Variants in ZNF652 observed in about 807,000 individuals in gnomAD.
ZNF652 encodes zinc finger protein 652.
In ZNF652, 16 loss-of-function variants were observed where a neutral mutation model predicts 45.2. The observed-to-expected ratio is 0.35, with a 90% CI of 0.24 to 0.54. ZNF652 has a LOEUF of 0.54. Among genes scored for constraint, ZNF652 ranks in the 20% least tolerant of loss-of-function variants. The probability of loss-of-function intolerance (pLI) is 0.91; values close to 1 mark genes in which losing one functional copy is unlikely to be tolerated. For synonymous variants in ZNF652, 250 were observed against 260.6 expected (o/e 0.96, Z 0.39); for missense variants, 614 against 765.6 (o/e 0.80, Z 2.34).
At chr17:49,354,890 T>A (rs1444967450) in intron 1 of ZNF652, among the ~76,000 whole-genome samples, 4 of 152,004 alleles carry the variant, frequency 2.6e-5, no homozygotes, top group African/African-American at 9.7e-5. Context: ...CACACCCGGC[T>A]AATTTTTGTA....
chr17:49,309,540 C>T (rs964918753), intron 5 of ZNF652, among the ~76,000 whole-genome samples: 1 of 150,404 alleles, frequency 6.6e-6, no homozygotes, highest in Non-Finnish European at 1.5e-5. Flanking sequence ...AACCAAAAAA[C>T]CCCCCAAAAC....
chr17:49,349,188 G>T (rs1027597230), intron 1 of ZNF652, among the ~76,000 whole-genome samples: 1 of 152,090 alleles, frequency 6.6e-6, no homozygotes, highest in African/African-American at 2.4e-5. Context: ...CCAGTACTTT[G>T]GGAAGGATTG....
intron 5 of ZNF652, among the ~76,000 whole-genome samples, chr17:49,310,191 G>GACCC (rs1161261027): frequency 6.6e-6 from 1 of 152,152 alleles, no homozygotes; most frequent in Admixed American, 6.5e-5. Flanking sequence ...CTGACCTTGT[G>GACCC]ACCCACCCGC....
intron 1 of ZNF652, among the ~76,000 whole-genome samples, chr17:49,341,858 A>G (rs2070150717): frequency 6.6e-6 from 1 of 152,144 alleles, no homozygotes; most frequent in Admixed American, 6.6e-5. Flanking sequence ...AACCATCTGG[A>G]ATATCCCCTT....
At chr17:49,307,149 G>A (rs915172163) in intron 5 of ZNF652, among the ~76,000 whole-genome samples, 1 of 152,024 alleles carries the variant, frequency 6.6e-6, no homozygotes, top group Non-Finnish European at 1.5e-5. Context: ...TCCTTCACTG[G>A]CCGGGCTCAG....
rs754671628 is a variant in ZNF652, at chr17:49,298,643, T to C, written c.1591A>G (p.Asn531Asp). The C allele has an allele frequency of 1.9e-6, 3 of 1,612,754 alleles. No homozygotes were observed. The highest frequency in any genetic ancestry group is 1.1e-5 in the South Asian group (1 of 91,038). ...NTATTPTPPINMNPVSTLPPR... is the reference protein window; with the variant it reads ...NTATTPTPPIDMNPVSTLPPR... Reference sequence around the variant, plus strand: ...GGAAGAGTGCTTACAGGATTCATATTGATTGGAGGGGTTGGGGTTGTGGCT... The same window carrying C: ...GGAAGAGTGCTTACAGGATTCATATCGATTGGAGGGGTTGGGGTTGTGGCT... Residue 531 changes from asparagine (N) to aspartate (D), a missense_variant, in exon 6 of 6, where the codon AAT becomes GAT. Around this residue, in one of 5 missense-constraint regions of ZNF652, gnomAD observed 132 missense variants for 137.2 expected, o/e 0.96. Transcript: ENST00000430262.
chr17:49,315,333 G>A (rs377400030), intron 2 of ZNF652, among the ~76,000 whole-genome samples: 2 of 151,940 alleles, frequency 1.3e-5, no homozygotes, highest in East Asian at 3.9e-4. Flanking sequence ...GAGCCACTGC[G>A]CCCGGTCTGG....
At chr17:49,336,103 C>G (rs922297052) in intron 1 of ZNF652, among the ~76,000 whole-genome samples, 9 of 152,184 alleles carry the variant, frequency 5.9e-5, no homozygotes, top group African/African-American at 1.9e-4. Flanking sequence ...TGGCTCACTG[C>G]AACCTCCGCC....
In ZNF652 at chr17:49,290,242, T is replaced by A. The variant is rs1172201884; in HGVS notation, c.*8171A>T. ...TGCCTCCCGGCTCTACAGGGGGTAA[T>A]ATTTACTGTCGTCTTTTCCCTTCCC... is the stretch of plus-strand genomic sequence containing the variant. On this transcript the variant is annotated 3_prime_UTR_variant, in exon 6 of 6. Transcript: ENST00000430262. 7 of 152,170 alleles carry A rather than the reference T, an allele frequency of 4.6e-5. No individual in the cohort carries two copies. In the East Asian group the frequency reaches 1.3e-3, roughly 29 times the overall value. The allele number at this position is 152,170 out of a possible 1,614,324, so 9.4% of individuals were successfully genotyped here.
Position 49,291,102 on chromosome 17 carries a change from A to G in ZNF652, c.*7311T>C, listed in dbSNP as rs1777059391. 6.6e-6 allele frequency: 1 copy of G among 152,240 alleles called. No individual in the cohort carries two copies. Among genetic ancestry groups the G allele is most frequent in the African/African-American group, 2.4e-5 (1 of 41,468 alleles). The allele number at this position is 152,240 out of a possible 1,614,324, so 9.4% of individuals were successfully genotyped here. ...ATTATGTCACACTGTTTCTTTTTAA[A>G]CTAATGAATTGAATTAATAGAGCAT... On this transcript the variant is annotated 3_prime_UTR_variant, in exon 6 of 6. Transcript: ENST00000430262.
chr17:49,300,619 G>A (rs1243177794), intron 5 of ZNF652, among the ~76,000 whole-genome samples: 1 of 152,134 alleles, frequency 6.6e-6, no homozygotes, highest in African/African-American at 2.4e-5. Context: ...ATGCACTTCG[G>A]TGAACCATAC....
At chr17:49,347,863 C>T (rs1005014572) in intron 1 of ZNF652, among the ~76,000 whole-genome samples, 3 of 151,238 alleles carry the variant, frequency 2.0e-5, no homozygotes, top group Non-Finnish European at 4.4e-5. Flanking sequence ...TGCCACCTCA[C>T]CTTCCCAAAT....
At chr17:49,302,218 C>T (rs1352429482) in intron 5 of ZNF652, among the ~76,000 whole-genome samples, 1 of 151,244 alleles carries the variant, frequency 6.6e-6, no homozygotes, top group Non-Finnish European at 1.5e-5. Flanking sequence ...TGCACCACTG[C>T]GCTCAAGCCT....
intron 5 of ZNF652, among the ~76,000 whole-genome samples, chr17:49,304,793 T>C (rs768924716): frequency 6.6e-6 from 1 of 152,076 alleles, no homozygotes; most frequent in Non-Finnish European, 1.5e-5. Flanking sequence ...GTCTTTTGTA[T>C]GTGATCTGTC....
chr17:49,331,414 C>A (rs377734635), intron 1 of ZNF652, among the ~76,000 whole-genome samples: 6 of 152,250 alleles, frequency 3.9e-5, no homozygotes, highest in African/African-American at 1.4e-4. Flanking sequence ...AGCCACCATG[C>A]TTGGCCAAAT....
intron 1 of ZNF652, among the ~76,000 whole-genome samples, chr17:49,355,652 C>A (rs2070328219): frequency 1.3e-5 from 2 of 152,130 alleles, no homozygotes; most frequent in African/African-American, 4.8e-5. Context: ...GTAATCCCAG[C>A]ACTTTGGGAG....
chr17:49,303,247 CT>C (rs779042339), intron 5 of ZNF652, among the ~76,000 whole-genome samples: 26 of 121,720 alleles, frequency 2.1e-4, no homozygotes, highest in East Asian at 2.5e-4. Context: ...TTACGCTTAT[CT>C]TTTTTTTTTT....
Position 49,289,340 on chromosome 17 carries a change from T to C in ZNF652, c.*9073A>G, listed in dbSNP as rs188993594. On this transcript the variant is annotated 3_prime_UTR_variant, in exon 6 of 6. Transcript: ENST00000430262. Reference sequence around the variant, plus strand: ...ACCAGAGTCTCACAAGAATAAAATATACAATGCTACATTGAGTGGTTAAAA... The same window carrying C: ...ACCAGAGTCTCACAAGAATAAAATACACAATGCTACATTGAGTGGTTAAAA... The C allele has an allele frequency of 2.0e-5, 3 of 151,848 alleles. No homozygotes were observed. Among genetic ancestry groups the C allele is most frequent in the Non-Finnish European group, 2.9e-5 (2 of 68,006 alleles). The allele number at this position is 151,848 out of a possible 1,614,324, so 9.4% of individuals were successfully genotyped here. A position where few individuals can be genotyped will look rare whatever the true frequency, so the allele number is the denominator to read the frequency against.
intron 5 of ZNF652, among the ~76,000 whole-genome samples, chr17:49,305,451 T>C (rs1333289376): frequency 1.3e-5 from 2 of 151,866 alleles, no homozygotes; most frequent in African/African-American, 4.8e-5. Flanking sequence ...TGTTTCAAAA[T>C]AAATAAATAA....
Sources: gnomAD v4.1 joint callset for allele counts (sites outside exome capture counted in the v4.1 genomes callset) on GRCh38, gnomAD v4.1.1 for gene constraint, gnomAD v4.1.1 regional missense constraint, MANE v1.5 for transcripts, NCBI Gene and HGNC (gene_info 2026-07-23, HGNC 2026-07-21) for gene names.